The following MECOM variants were observed in gnomAD, a reference collection of about 807,000 sequenced individuals.
MECOM encodes the protein MDS1 and EVI1 complex locus.
MECOM carries 13 observed loss-of-function variants against 116.3 expected under a neutral mutation model. That is an observed-to-expected ratio of 0.11 (90% CI 0.07 to 0.18). The LOEUF (loss-of-function observed/expected upper bound fraction) is 0.18, where lower values mean the gene tolerates loss of function less well. Among genes scored for constraint, MECOM ranks in the 10% least tolerant of loss-of-function variants. The pLI is 1.00. For missense variants in MECOM, 1,299 were observed against 1,509.0 expected, an observed-to-expected ratio of 0.86 and a Z score of 2.31; for synonymous variants, 528 against 535.2, an observed-to-expected ratio of 0.99 and a Z score of 0.19.
At chr3:169,302,512 A>G (rs1181316481) in intron 2 of MECOM, among the ~76,000 whole-genome samples, 2 of 152,202 alleles carry the variant, frequency 1.3e-5, no homozygotes, top group Non-Finnish European at 2.9e-5. Flanking sequence ...GATTGAAAGA[A>G]TGAATAGAAT....
chr3:169,312,743 G>A lies in MECOM; in HGVS notation c.375+68444C>T, dbSNP rs372035324. On this transcript the variant is annotated intron_variant, in intron 2 of 16. Transcript: ENST00000651503. Reference sequence around the variant, plus strand: ...GAGGACACTAGGAGGAGCAGGTCTGGGGAGAGAGGAAAAACCAAAAGTTCA... The same window carrying A: ...GAGGACACTAGGAGGAGCAGGTCTGAGGAGAGAGGAAAAACCAAAAGTTCA... Among the ~76,000 whole-genome samples the A allele has an allele frequency of 2.5e-4, 38 of 152,274 alleles. No individual in the cohort carries two copies. The East Asian group carries it at 3.3e-3, about 13-fold the overall frequency.
rs1728826017 is a variant in MECOM, at chr3:169,115,390, T to C, written c.2482A>G (p.Ile828Val). The change falls in exon 8 of 17, where the codon ATT becomes GTT. Residue 828 changes from isoleucine to valine, a missense_variant. Physicochemically the swap from Ile to Val is conservative, Grantham distance 29 (BLOSUM62 3). Around this residue, in one of 6 missense-constraint regions of MECOM, gnomAD observed 340 missense variants for 312.6 expected, o/e 1.09. Coordinates refer to ENST00000651503, the MANE Select transcript of MECOM (RefSeq NM_004991.4). ...ARPTPFFMDP[I>V]YRVEKRKLTD... ...TCTTCCATACACGCTTACCTGTAAA[T>C]AGGGTCCATAAAGAAAGGAGTGGGT... 2 of 1,613,712 alleles carry C rather than the reference T, an allele frequency of 1.2e-6. No homozygotes were observed. Among genetic ancestry groups the C allele is most frequent in the Non-Finnish European group, 8.5e-7 (1 of 1,179,816 alleles).
intron 1 of MECOM, among the ~76,000 whole-genome samples, chr3:169,659,777 G>A (rs1005691652): frequency 2.0e-5 from 3 of 152,144 alleles, no homozygotes; most frequent in African/African-American, 7.2e-5. Flanking sequence ...TTGTGGGGGG[G>A]TTGTTTTGTT....
intron 2 of MECOM, among the ~76,000 whole-genome samples, chr3:169,188,103 TA>T (rs201430392): frequency 0.019 from 2,872 of 152,024 alleles, 89 homozygotes; most frequent in African/African-American, 0.065. Flanking sequence ...GTGATCCGAA[TA>T]AAAAAAATTG....
intron 2 of MECOM, among the ~76,000 whole-genome samples, chr3:169,350,005 T>TA (rs1726040522): frequency 6.6e-6 from 1 of 152,012 alleles, no homozygotes; most frequent in Non-Finnish European, 1.5e-5. Context: ...TATTTATTTA[T>TA]AAAAATATGA....
At chr3:169,543,907 A>G (rs893414121) in intron 1 of MECOM, among the ~76,000 whole-genome samples, 1 of 152,148 alleles carries the variant, frequency 6.6e-6, no homozygotes, top group Admixed American at 6.5e-5. Context: ...TTATTTTGAG[A>G]TGGAGTCTCA....
Position 169,516,555 on chromosome 3 carries a change from T to C in MECOM, c.38-135031A>G, listed in dbSNP as rs968535012. Among the ~76,000 whole-genome samples, 27 of 152,170 alleles carry C rather than the reference T, an allele frequency of 1.8e-4. 1 individual carries two copies. Among genetic ancestry groups the C allele is most frequent in the Non-Finnish European group, 2.5e-4 (17 of 68,032 alleles). ...ATTTACTACTGTGTAACCAAAGCCCTGTGCAAAGCGTGCATTCTCTTGACT... is the reference window on the plus strand; with the variant it reads ...ATTTACTACTGTGTAACCAAAGCCCCGTGCAAAGCGTGCATTCTCTTGACT... On this transcript the variant is annotated intron_variant, in intron 1 of 16. Transcript: ENST00000651503.
At chr3:169,353,500 G>A (rs570038391) in intron 2 of MECOM, among the ~76,000 whole-genome samples, 2 of 151,856 alleles carry the variant, frequency 1.3e-5, no homozygotes, top group African/African-American at 4.8e-5. Context: ...TATACAAGTT[G>A]CCATATTTTT....
At chr3:169,498,059 TTCTC>T (rs1473573418) in intron 1 of MECOM, among the ~76,000 whole-genome samples, 1 of 152,220 alleles carries the variant, frequency 6.6e-6, no homozygotes, top group Non-Finnish European at 1.5e-5. Flanking sequence ...TTTATTTCTG[TTCTC>T]TCTATTGATT....
chr3:169,420,368 A>G (rs1739497546), intron 1 of MECOM, among the ~76,000 whole-genome samples: 1 of 152,140 alleles, frequency 6.6e-6, no homozygotes, highest in African/African-American at 2.4e-5. Context: ...CAAACCCACC[A>G]TGACCACATC....
At chr3:169,241,542 C>T (rs1386827) in intron 2 of MECOM, among the ~76,000 whole-genome samples, 58,087 of 152,016 alleles carry the variant, frequency 0.38, 13,256 homozygotes, top group Middle Eastern at 0.56. Context: ...TTCCTTCACA[C>T]ATTAGTGTAA....
At chr3:169,116,840 C>T (rs1418863191) in intron 7 of MECOM, 101 bp from the exon 8 acceptor site, 1 of 1,427,722 alleles carries the variant, frequency 7.0e-7, no homozygotes, top group Non-Finnish European at 9.3e-7. Context: ...ATTAGGAAGC[C>T]AGTAAAAGAC....
At chr3:169,323,010 A>T (rs1429220152) in intron 2 of MECOM, among the ~76,000 whole-genome samples, 4 of 146,920 alleles carry the variant, frequency 2.7e-5, no homozygotes, top group East Asian at 1.9e-4. Flanking sequence ...AAAAAAAAAA[A>T]AAAAAAAAAA....
chr3:169,138,802 G>A (rs1273719185), intron 3 of MECOM, among the ~76,000 whole-genome samples: 3 of 152,074 alleles, frequency 2.0e-5, no homozygotes, highest in African/African-American at 7.2e-5. Context: ...AATCTACCTT[G>A]CTGTTTTGCA....
At chr3:169,649,409 C>CAAAAAAAAAAAA (rs71634436) in intron 1 of MECOM, among the ~76,000 whole-genome samples, 8 of 74,422 alleles carry the variant, frequency 1.1e-4, no homozygotes, top group Admixed American at 3.7e-4. Context: ...AACTCCATCT[C>CAAAAAAAAAAAA]AAAAAAAAAA....
intron 2 of MECOM, among the ~76,000 whole-genome samples, chr3:169,252,697 G>A (rs549202795): frequency 2.2e-4 from 33 of 152,132 alleles, no homozygotes; most frequent in African/African-American, 7.5e-4. Flanking sequence ...AAGTTTATGC[G>A]GTCAGGCTAG....
At chr3:169,585,518 C>T (rs758735691) in intron 1 of MECOM, among the ~76,000 whole-genome samples, 6 of 152,132 alleles carry the variant, frequency 3.9e-5, no homozygotes, top group Non-Finnish European at 7.4e-5. Flanking sequence ...CTCCTCATTT[C>T]GCCTCTACCT....
intron 1 of MECOM, among the ~76,000 whole-genome samples, chr3:169,479,280 T>TGC (rs1553865405): frequency 2.6e-5 from 4 of 151,266 alleles, no homozygotes; most frequent in African/African-American, 4.9e-5. Flanking sequence ...AGTGTGTGTG[T>TGC]GTGTGTGTGT....
intron 2 of MECOM, among the ~76,000 whole-genome samples, chr3:169,200,098 TC>T (rs1408574166): frequency 1.3e-5 from 2 of 152,104 alleles, no homozygotes; most frequent in Non-Finnish European, 2.9e-5. Flanking sequence ...TGAATGTCCT[TC>T]CTCATTTCAA....
Sources: allele counts gnomAD v4.1 joint callset (sites outside exome capture counted in the v4.1 genomes callset), GRCh38; gene constraint gnomAD v4.1.1; regional missense constraint gnomAD v4.1.1; transcripts MANE v1.5; gene names NCBI Gene and HGNC (gene_info 2026-07-23, HGNC 2026-07-21).